The following NALCN variants were observed in gnomAD, a reference collection of about 807,000 sequenced individuals.
NALCN encodes the protein sodium leak channel NALCN.
In NALCN, 111 loss-of-function variants were observed where a neutral mutation model predicts 225.3. That is an observed-to-expected ratio of 0.49 (90% CI 0.42 to 0.58). NALCN has a LOEUF of 0.58. Ranked by LOEUF, NALCN falls within the 20% of genes least tolerant of loss-of-function variation. NALCN has a pLI of 0.00. For missense variants in NALCN, 1,378 were observed against 2,202.4 expected, an observed-to-expected ratio of 0.63 and a Z score of 7.49; for synonymous variants, 764 against 769.0, an observed-to-expected ratio of 0.99 and a Z score of 0.11.
chr13:101,322,963 T>C (rs1190636326), intron 7 of NALCN, among the ~76,000 whole-genome samples: 2 of 152,122 alleles, frequency 1.3e-5, no homozygotes, highest in Admixed American at 6.5e-5. Flanking sequence ...ACTGCCCGCC[T>C]TGGCCTCCCA....
chr13:101,296,295 C>T (rs1412341534), intron 7 of NALCN, among the ~76,000 whole-genome samples: 1 of 152,188 alleles, frequency 6.6e-6, no homozygotes, highest in Non-Finnish European at 1.5e-5. Flanking sequence ...GATTTTGTAG[C>T]CTACAGACAT....
chr13:101,237,869 C>T lies in NALCN; in HGVS notation c.1320G>A (p.Leu440=). ...ATGAGCTAATATATCCAGTAAATCC[C>T]AAACACCATATCTTCAGAAGTGCTT... The part of the protein sequence containing the change: ...DLEALLKIWC[L]GFTGYISSSL... Residue 440 remains leucine, a synonymous_variant, in exon 12 of 44, where the codon TTG becomes TTA. Coordinates refer to ENST00000251127, the MANE Select transcript of NALCN (RefSeq NM_052867.4). 1 of 1,603,852 alleles carries T rather than the reference C, an allele frequency of 6.2e-7. No homozygotes were observed. Among genetic ancestry groups the T allele is most frequent in the South Asian group, 1.1e-5 (1 of 89,578 alleles).
intron 13 of NALCN, among the ~76,000 whole-genome samples, chr13:101,219,429 C>G (rs1329570605): frequency 6.6e-6 from 1 of 152,144 alleles, no homozygotes; most frequent in Admixed American, 6.6e-5. Flanking sequence ...TGTGTTGGTT[C>G]AGCATTGTTG....
chr13:101,196,776 T>A (rs1253265198), intron 13 of NALCN, among the ~76,000 whole-genome samples: 1 of 152,088 alleles, frequency 6.6e-6, no homozygotes, highest in Non-Finnish European at 1.5e-5. Flanking sequence ...TTCCCCAAAT[T>A]CACTGGCCTC....
intron 13 of NALCN, among the ~76,000 whole-genome samples, chr13:101,219,771 T>C (rs2040867863): frequency 1.3e-5 from 2 of 152,176 alleles, no homozygotes; most frequent in Admixed American, 6.5e-5. Flanking sequence ...TTCTAGTGTG[T>C]TTGCTTGGCT....
In NALCN at chr13:101,059,814, A is replaced by G. The variant is rs773385017; in HGVS notation, c.4905+4T>C. 39 of 1,613,844 alleles carry G rather than the reference A, an allele frequency of 2.4e-5. No individual in the cohort carries two copies. Among genetic ancestry groups the G allele is most frequent in the Non-Finnish European group, 3.0e-5 (35 of 1,179,976 alleles). On this transcript the variant is annotated splice_donor_region_variant and intron_variant, in intron 42 of 43. Coordinates refer to ENST00000251127, the MANE Select transcript of NALCN (RefSeq NM_052867.4). ...CTGGGACAGAGGACGCCTCGTGCCC[A>G]TACCTCAGGTTGCATGCTGTTGTCC...
chr13:101,335,881 T>C (rs1037425473), intron 7 of NALCN, among the ~76,000 whole-genome samples: 5 of 152,128 alleles, frequency 3.3e-5, no homozygotes, highest in Admixed American at 2.0e-4. Flanking sequence ...TGATATCACA[T>C]ATGGTAGCAT....
intron 6 of NALCN, among the ~76,000 whole-genome samples, chr13:101,353,878 A>G (rs1218394494): frequency 1.3e-5 from 2 of 152,236 alleles, no homozygotes; most frequent in Non-Finnish European, 2.9e-5. Context: ...AATATTTTAA[A>G]TAGTTATCTT....
At chr13:101,198,308 A>C (rs1255709648) in intron 13 of NALCN, among the ~76,000 whole-genome samples, 1 of 152,218 alleles carries the variant, frequency 6.6e-6, no homozygotes, top group Non-Finnish European at 1.5e-5. Flanking sequence ...AATTAAACTA[A>C]AGAGCTTCTG....
At chr13:101,361,365 A>C (rs1299500580) in intron 6 of NALCN, among the ~76,000 whole-genome samples, 1 of 152,234 alleles carries the variant, frequency 6.6e-6, no homozygotes, top group Non-Finnish European at 1.5e-5. Context: ...CAGAAGTTCC[A>C]GTGCATGCCT....
At chr13:101,158,085 AG>A (rs1318249015) in intron 15 of NALCN, among the ~76,000 whole-genome samples, 1 of 152,048 alleles carries the variant, frequency 6.6e-6, no homozygotes. Flanking sequence ...TTTTGGGTGT[AG>A]CTCCTCCAAA....
intron 15 of NALCN, among the ~76,000 whole-genome samples, chr13:101,174,013 G>A (rs1357498915): frequency 1.3e-5 from 2 of 151,934 alleles, no homozygotes; most frequent in African/African-American, 2.4e-5. Flanking sequence ...AAAATCAGGG[G>A]CATAAAAAAT....
At chr13:101,401,643 T>C (rs1041953479) in intron 1 of NALCN, among the ~76,000 whole-genome samples, 1 of 152,174 alleles carries the variant, frequency 6.6e-6, no homozygotes, top group Non-Finnish European at 1.5e-5. Flanking sequence ...TTATTGTTTT[T>C]TAAAAAATTC....
At chr13:101,295,345 G>A (rs1594622517) in intron 7 of NALCN, among the ~76,000 whole-genome samples, 1 of 152,132 alleles carries the variant, frequency 6.6e-6, no homozygotes, top group Non-Finnish European at 1.5e-5. Flanking sequence ...AAACCAAACA[G>A]TGGCTACAGA....
intron 11 of NALCN, among the ~76,000 whole-genome samples, chr13:101,246,033 G>A (rs2140177306): frequency 6.6e-6 from 1 of 152,232 alleles, no homozygotes; most frequent in Non-Finnish European, 1.5e-5. Context: ...GCTGCTGCTT[G>A]GGCTCACTCC....
At chr13:101,295,445 T>C (rs1163530095) in intron 7 of NALCN, among the ~76,000 whole-genome samples, 1 of 152,162 alleles carries the variant, frequency 6.6e-6, no homozygotes, top group Non-Finnish European at 1.5e-5. Flanking sequence ...TAAGATTAAA[T>C]TTGAGAGGAA....
At chr13:101,114,804 A>G (rs1320004177) in intron 18 of NALCN, among the ~76,000 whole-genome samples, 1 of 152,214 alleles carries the variant, frequency 6.6e-6, no homozygotes, top group Non-Finnish European at 1.5e-5. Context: ...CTGCCTTAAA[A>G]AGACTAAGCC....
At chr13:101,313,809 G>A (rs1211648642) in intron 7 of NALCN, among the ~76,000 whole-genome samples, 1 of 152,070 alleles carries the variant, frequency 6.6e-6, no homozygotes, top group Non-Finnish European at 1.5e-5. Flanking sequence ...TCCCATTACT[G>A]GGTATATACC....
chr13:101,350,514 A>G (rs1444504944), intron 6 of NALCN, among the ~76,000 whole-genome samples: 1 of 151,942 alleles, frequency 6.6e-6, no homozygotes, highest in Non-Finnish European at 1.5e-5. Flanking sequence ...CTTGAGACAA[A>G]GGCAATTCAT....
Sources: allele counts gnomAD v4.1 joint callset (sites outside exome capture counted in the v4.1 genomes callset), GRCh38; gene constraint gnomAD v4.1.1; transcripts MANE v1.5; gene names NCBI Gene and HGNC (gene_info 2026-07-23, HGNC 2026-07-21).